The following NELL2 variants were observed in gnomAD, a reference collection of about 807,000 sequenced individuals.
NELL2 encodes the protein neural EGFL like 2.
In NELL2, 41 loss-of-function variants were observed where a neutral mutation model predicts 109.6. That is an observed-to-expected ratio of 0.37 (90% CI 0.29 to 0.49). NELL2 has a LOEUF of 0.49. Among genes scored for constraint, NELL2 ranks in the 20% least tolerant of loss-of-function variants. The pLI is 0.98. For synonymous variants in NELL2, 355 were observed against 344.7 expected (o/e 1.03, Z -0.33); for missense variants, 900 against 1,008.3 (o/e 0.89, Z 1.45).
intron 15 of NELL2, among the ~76,000 whole-genome samples, chr12:44,555,074 G>A (rs779236876): frequency 2.6e-5 from 4 of 152,172 alleles, no homozygotes; most frequent in Admixed American, 6.5e-5. Flanking sequence ...GTCATTCTTC[G>A]TAGATGATGC....
chr12:44,872,872 T>A (rs1404632886), intron 2 of NELL2, among the ~76,000 whole-genome samples: 1 of 152,150 alleles, frequency 6.6e-6, no homozygotes, highest in East Asian at 1.9e-4. Flanking sequence ...GTAAATAGAA[T>A]CTATAAAATC....
At chr12:44,544,261 A>G (rs1435857721) in intron 15 of NELL2, among the ~76,000 whole-genome samples, 4 of 152,176 alleles carry the variant, frequency 2.6e-5, no homozygotes, top group African/African-American at 9.6e-5. Flanking sequence ...ATAAATCTTC[A>G]TCTATCATAC....
chr12:44,571,738 G>A (rs778730023), intron 15 of NELL2, among the ~76,000 whole-genome samples: 31 of 152,148 alleles, frequency 2.0e-4, no homozygotes, highest in Non-Finnish European at 2.8e-4. Flanking sequence ...GTTACCCTTA[G>A]ACATAGATAT....
intron 13 of NELL2, among the ~76,000 whole-genome samples, chr12:44,636,177 A>AT (rs1345441607): frequency 6.6e-6 from 1 of 151,938 alleles, no homozygotes; most frequent in South Asian, 2.1e-4. Context: ...GCTTAAGGAG[A>AT]TTTTTGCTGA....
intron 15 of NELL2, among the ~76,000 whole-genome samples, chr12:44,582,691 T>G (rs1944364746): frequency 6.6e-6 from 1 of 151,786 alleles, no homozygotes; most frequent in South Asian, 2.1e-4. Context: ...GTCACTAAGG[T>G]AGAATGAAGG....
intron 2 of NELL2, among the ~76,000 whole-genome samples, chr12:44,847,154 G>A (rs1944395738): frequency 6.6e-6 from 1 of 152,204 alleles, no homozygotes; most frequent in African/African-American, 2.4e-5. Flanking sequence ...TAATGGGCAA[G>A]GGACTCATTA....
At chr12:44,818,176 T>C (rs1162137256) in intron 2 of NELL2, among the ~76,000 whole-genome samples, 1 of 152,190 alleles carries the variant, frequency 6.6e-6, no homozygotes, top group Non-Finnish European at 1.5e-5. Flanking sequence ...TCCTCTTAGC[T>C]CCAAAATTTT....
At chr12:44,700,376 C>A (rs1053128178) in intron 12 of NELL2, among the ~76,000 whole-genome samples, 7 of 152,252 alleles carry the variant, frequency 4.6e-5, no homozygotes, top group Non-Finnish European at 1.0e-4. Flanking sequence ...ATCTTAAAAT[C>A]TTTAATTAGC....
At chr12:44,825,609 T>C (rs914458205) in intron 2 of NELL2, among the ~76,000 whole-genome samples, 11 of 150,666 alleles carry the variant, frequency 7.3e-5, no homozygotes, top group African/African-American at 1.9e-4. Context: ...TTAGCAAAGA[T>C]GGTCTCGATC....
intron 3 of NELL2, among the ~76,000 whole-genome samples, chr12:44,803,496 G>A (rs754874513): frequency 6.6e-6 from 1 of 151,950 alleles, no homozygotes; most frequent in Admixed American, 6.6e-5. Flanking sequence ...GAGATGGAGG[G>A]TGATGAAGCA....
At chr12:44,889,878 C>G (rs977754272) in intron 1 of NELL2, among the ~76,000 whole-genome samples, 1 of 152,168 alleles carries the variant, frequency 6.6e-6, no homozygotes, top group Non-Finnish European at 1.5e-5. Flanking sequence ...CAAAATCTTT[C>G]CTGACTCATC....
intron 16 of NELL2, 196 bp downstream of exon 16, chr12:44,532,385 C>T (rs561031519): frequency 2.8e-5 from 12 of 426,042 alleles, no homozygotes; most frequent in Non-Finnish European, 4.3e-5. Flanking sequence ...GTGTCACAAA[C>T]TTTAATTATC....
chr12:44,519,696 T>C (rs977824820), intron 19 of NELL2, among the ~76,000 whole-genome samples: 2 of 152,166 alleles, frequency 1.3e-5, no homozygotes, highest in Non-Finnish European at 2.9e-5. Context: ...AGGTTTGTTG[T>C]TTCAGCTTTT....
At chr12:44,649,243 GC>G (rs1478460585) in intron 13 of NELL2, among the ~76,000 whole-genome samples, 10 of 138,514 alleles carry the variant, frequency 7.2e-5, no homozygotes, top group African/African-American at 2.7e-4. Flanking sequence ...CTTCTTGTCT[GC>G]CTGCCTGCCT....
chr12:44,650,298 AAT>A lies in NELL2; in HGVS notation c.1444+15184_1444+15185del, dbSNP rs552560097. On this transcript the variant is annotated intron_variant, in intron 13 of 19. Transcript: ENST00000429094. Reference sequence around the variant, plus strand: ...ATGTCTTTACCTGCCTCCACCCCCCAATTTTTTTTTTTTTTTTGATACAGCTT... The same window carrying A: ...ATGTCTTTACCTGCCTCCACCCCCCATTTTTTTTTTTTTTTGATACAGCTT... 2.2e-3 allele frequency among the ~76,000 whole-genome samples: 217 copies of A among 99,876 alleles called. 1 individual carries two copies. The highest frequency in any genetic ancestry group is 9.8e-3 in the African/African-American group (208 of 21,156). The allele number at this position is 99,876 out of a possible 152,430, so 65.5% of individuals were successfully genotyped here.
intron 12 of NELL2, among the ~76,000 whole-genome samples, chr12:44,678,787 T>C (rs1566142668): frequency 6.6e-6 from 1 of 152,042 alleles, no homozygotes; most frequent in African/African-American, 2.4e-5. Context: ...CCAAGCAAAA[T>C]ACAGATGGAA....
chr12:44,534,850 C>T (rs1942226669), intron 15 of NELL2, among the ~76,000 whole-genome samples: 4 of 152,014 alleles, frequency 2.6e-5, no homozygotes. Context: ...AAGCAACTTT[C>T]CCATTATATT....
chr12:44,531,228 T>C (rs1315194289), intron 16 of NELL2, among the ~76,000 whole-genome samples: 2 of 152,232 alleles, frequency 1.3e-5, no homozygotes, highest in African/African-American at 4.8e-5. Context: ...ATATACATGC[T>C]TCTGTATGAT....
intron 12 of NELL2, among the ~76,000 whole-genome samples, chr12:44,665,838 C>T (rs1260781153): frequency 6.6e-6 from 1 of 152,122 alleles, no homozygotes; most frequent in Non-Finnish European, 1.5e-5. Flanking sequence ...ATTTTAACTT[C>T]CATCATCTAA....
Sources: gnomAD v4.1 joint callset for allele counts (sites outside exome capture counted in the v4.1 genomes callset) on GRCh38, gnomAD v4.1.1 for gene constraint, MANE v1.5 for transcripts, NCBI Gene and HGNC (gene_info 2026-07-23, HGNC 2026-07-21) for gene names.